Variants in FAR2 observed in about 807,000 individuals in gnomAD.
The protein encoded by FAR2 is epididymis secretory protein Li 81.
In FAR2, 19 loss-of-function variants were observed where a neutral mutation model predicts 56.0. That is an observed-to-expected ratio of 0.34 (90% CI 0.24 to 0.50). FAR2 has a LOEUF of 0.50. Ranked by LOEUF, FAR2 falls within the 20% of genes least tolerant of loss-of-function variation. The probability of loss-of-function intolerance (pLI) is 0.98; values close to 1 mark genes in which losing one functional copy is unlikely to be tolerated. For synonymous variants in FAR2, 219 were observed against 218.8 expected (o/e 1.00, Z -0.01); for missense variants, 508 against 642.2 (o/e 0.79, Z 2.26).
At chr12:29,298,796 G>A (rs1217308161) in intron 4 of FAR2, among the ~76,000 whole-genome samples, 1 of 152,192 alleles carries the variant, frequency 6.6e-6, no homozygotes, top group Admixed American at 6.5e-5. Flanking sequence ...ATGTCCAGGA[G>A]AGGGGCAGAC....
chr12:29,292,004 A>C (rs916172454), intron 2 of FAR2, among the ~76,000 whole-genome samples: 12 of 152,228 alleles, frequency 7.9e-5, no homozygotes, highest in Non-Finnish European at 1.5e-4. Context: ...TGCATTCTTG[A>C]TTGAAAATAC....
At chr12:29,215,553 T>A (rs1339477544) in intron 1 of FAR2, among the ~76,000 whole-genome samples, 1 of 152,164 alleles carries the variant, frequency 6.6e-6, no homozygotes, top group African/African-American at 2.4e-5. Flanking sequence ...AAACAGTAAT[T>A]TAGATGTTAG....
chr12:29,321,415 T>A (rs1949548952), intron 9 of FAR2, among the ~76,000 whole-genome samples: 1 of 151,994 alleles, frequency 6.6e-6, no homozygotes, highest in African/African-American at 2.4e-5. Flanking sequence ...GGTGACAGAG[T>A]AAGACCCTGT....
At chr12:29,186,897 T>C (rs1281767209) in intron 1 of FAR2, among the ~76,000 whole-genome samples, 3 of 152,124 alleles carry the variant, frequency 2.0e-5, no homozygotes, top group African/African-American at 4.8e-5. Context: ...CACGCCATTC[T>C]CCTGCCTCAG....
intron 1 of FAR2, among the ~76,000 whole-genome samples, chr12:29,174,950 C>T (rs1346851431): frequency 3.9e-5 from 6 of 152,094 alleles, no homozygotes; most frequent in African/African-American, 1.4e-4. Context: ...TCGGCTCAGC[C>T]CAGAAGTACA....
intron 1 of FAR2, among the ~76,000 whole-genome samples, chr12:29,213,563 G>A (rs1171618927): frequency 6.6e-5 from 10 of 152,000 alleles, no homozygotes; most frequent in African/African-American, 2.4e-4. Context: ...AGTGGTGTAC[G>A]CCTGTAATCC....
chr12:29,314,536 G>A (rs71438659), intron 8 of FAR2, among the ~76,000 whole-genome samples: 4,218 of 151,368 alleles, frequency 0.028, 75 homozygotes, highest in Middle Eastern at 0.086. Flanking sequence ...TGATTAGAAC[G>A]GTGAACATTT....
chr12:29,272,668 T>C (rs1307766912), intron 2 of FAR2, among the ~76,000 whole-genome samples: 4 of 152,224 alleles, frequency 2.6e-5, no homozygotes, highest in Admixed American at 6.5e-5. Flanking sequence ...CAGTTCTGCA[T>C]CCTTGATGGA....
rs183550385 is a variant in FAR2 at position 29,203,738 on chromosome 12, G to A, written c.-39+54331G>A. Among the ~76,000 whole-genome samples, 39 of 152,184 alleles carry A rather than the reference G, an allele frequency of 2.6e-4. No homozygotes were observed. The East Asian group carries it at 4.3e-3, about 17-fold the overall frequency. ...ATGTCGGCCGGGGGCGGTGGCTCAC[G>A]CCTGTAATCCCAGCACTTTGGGAGA... On this transcript the variant is annotated intron_variant, in intron 1 of 11. Coordinates refer to ENST00000536681, the MANE Select transcript of FAR2 (RefSeq NM_001271783.2).
intron 1 of FAR2, among the ~76,000 whole-genome samples, chr12:29,196,011 G>A (rs1950140618): frequency 6.6e-6 from 1 of 152,118 alleles, no homozygotes; most frequent in Non-Finnish European, 1.5e-5. Context: ...TTTCATTCAT[G>A]TTGCTGCAAA....
intron 1 of FAR2, among the ~76,000 whole-genome samples, chr12:29,196,636 T>C (rs912135589): frequency 6.6e-6 from 1 of 152,132 alleles, no homozygotes; most frequent in Non-Finnish European, 1.5e-5. Context: ...AAGACCTACA[T>C]GTAAGACATG....
intron 1 of FAR2, among the ~76,000 whole-genome samples, chr12:29,268,209 G>A (rs1481376228): frequency 6.6e-6 from 1 of 152,108 alleles, no homozygotes; most frequent in Non-Finnish European, 1.5e-5. Context: ...TATAAGCCCT[G>A]ATGTCAGGGC....
intron 1 of FAR2, among the ~76,000 whole-genome samples, chr12:29,228,769 G>A (rs1020590605): frequency 6.6e-6 from 1 of 152,170 alleles, no homozygotes; most frequent in African/African-American, 2.4e-5. Flanking sequence ...TGTGTTTTCA[G>A]TAGAGAAAAG....
intron 2 of FAR2, among the ~76,000 whole-genome samples, chr12:29,271,295 A>T (rs1487164901): frequency 6.6e-6 from 1 of 152,238 alleles, no homozygotes; most frequent in African/African-American, 2.4e-5. Context: ...TCAAGGCAGT[A>T]TAACCTTGGG....
chr12:29,222,030 A>G lies in FAR2; in HGVS notation c.-38-48382A>G, dbSNP rs546492912. Reference sequence around the variant, plus strand: ...ACCCAGCTAATTTTTTTGTATTTTTAGTAGAGACGGGTTTCACCATGTTGG... The same window carrying G: ...ACCCAGCTAATTTTTTTGTATTTTTGGTAGAGACGGGTTTCACCATGTTGG... On this transcript the variant is annotated intron_variant, in intron 1 of 11. Transcript: ENST00000536681. Among the ~76,000 whole-genome samples the G allele has an allele frequency of 8.4e-4, 128 of 152,182 alleles. 1 individual carries two copies. Among genetic ancestry groups the G allele is most frequent in the Middle Eastern group, 6.8e-3 (2 of 294 alleles).
intron 1 of FAR2, chr12:29,171,350 G>C (rs1418599862): frequency 6.6e-6 from 1 of 152,358 alleles, no homozygotes; most frequent in Admixed American, 6.5e-5. Context: ...GGGGCAGCTT[G>C]TTTCTCATAG....
At chr12:29,234,776 A>C (rs12299228) in intron 1 of FAR2, among the ~76,000 whole-genome samples, 7,095 of 152,262 alleles carry the variant, frequency 0.047, 412 homozygotes, top group African/African-American at 0.13. Context: ...GCCTACTTAT[A>C]CTGTCAAATG....
At chr12:29,299,513 T>C (rs2136764622) in intron 4 of FAR2, among the ~76,000 whole-genome samples, 1 of 152,336 alleles carries the variant, frequency 6.6e-6, no homozygotes, top group African/African-American at 2.4e-5. Flanking sequence ...TTAACCTCCA[T>C]CTGTCATTTA....
intron 2 of FAR2, among the ~76,000 whole-genome samples, chr12:29,270,844 A>G (rs1048651663): frequency 2.0e-5 from 3 of 152,210 alleles, no homozygotes; most frequent in Non-Finnish European, 4.4e-5. Context: ...GTTTCAGTCC[A>G]GGGCAGGTGA....
Sources: allele counts gnomAD v4.1 joint callset (sites outside exome capture counted in the v4.1 genomes callset), GRCh38; gene constraint gnomAD v4.1.1; transcripts MANE v1.5; gene names NCBI Gene and HGNC (gene_info 2026-07-23, HGNC 2026-07-21).